The following RNF17 variants were observed in gnomAD, a reference collection of about 807,000 sequenced individuals.
RNF17 encodes ring finger protein 17, also known as spermatogenesis associated 23.
In RNF17, 31 loss-of-function variants were observed where a neutral mutation model predicts 200.5. The ratio of observed to expected loss-of-function variants is 0.15; its 90% CI spans 0.12 to 0.21. The LOEUF (loss-of-function observed/expected upper bound fraction) is 0.21. RNF17 is among the 10% of genes least tolerant of loss of function. The pLI is 1.00. For missense variants in RNF17, 1,628 were observed against 1,905.1 expected, an observed-to-expected ratio of 0.85 and a Z score of 2.71; for synonymous variants, 606 against 637.8, an observed-to-expected ratio of 0.95 and a Z score of 0.75.
In RNF17 at chr13:24,874,119, C is replaced by T. The variant is rs767714640; in HGVS notation, c.4453C>T (p.Pro1485Ser). The change falls in exon 33 of 36, where the codon CCT becomes TCT. Residue 1485 changes from proline to serine, a missense_variant. Pro to Ser is a moderately conservative substitution (Grantham distance 74). This residue lies in a region of RNF17 where 609 missense variants were observed against 681.9 expected (regional missense o/e 0.89). Coordinates refer to ENST00000255324, the MANE Select transcript of RNF17 (RefSeq NM_031277.3). ...CCCTTTTTCTGTCTTTCCAGAAATG[C>T]CTTGCCTTGCAGAATATGATGATGG... is the stretch of plus-strand genomic sequence containing the variant. Reference protein sequence around the residue: ...PPLTDFRTEMPCLAEYDDGLW... With the variant: ...PPLTDFRTEMSCLAEYDDGLW... 1.9e-6 allele frequency: 3 copies of T among 1,602,592 alleles called. No homozygotes were observed. The highest frequency in any genetic ancestry group is 1.8e-5 in the Admixed American group (1 of 56,488).
chr13:24,861,649 T>C (rs1000817465), intron 27 of RNF17, among the ~76,000 whole-genome samples: 72 of 152,346 alleles, frequency 4.7e-4, no homozygotes, highest in African/African-American at 1.6e-3. Context: ...TTTATTTCTT[T>C]ATCAAATGAA....
intron 11 of RNF17, among the ~76,000 whole-genome samples, chr13:24,797,976 T>C (rs115504760): frequency 0.016 from 2,436 of 152,294 alleles, 68 homozygotes; most frequent in African/African-American, 0.055. Flanking sequence ...ATGATTGTTT[T>C]TGAACTGTGG....
intron 4 of RNF17, among the ~76,000 whole-genome samples, chr13:24,779,211 G>GA (rs1044563759): frequency 1.2e-4 from 18 of 151,014 alleles, no homozygotes; most frequent in Non-Finnish European, 2.1e-4. Context: ...AAAATAAAAA[G>GA]AAAAAAAAAT....
At chr13:24,768,302 T>TG (rs1880068080) in intron 2 of RNF17, among the ~76,000 whole-genome samples, 1 of 151,322 alleles carries the variant, frequency 6.6e-6, no homozygotes, top group Non-Finnish European at 1.5e-5. Context: ...TTTTTTTTTT[T>TG]GAGACGGAGT....
At chr13:24,847,428 C>G in intron 22 of RNF17, among the ~76,000 whole-genome samples, 1 of 151,458 alleles carries the variant, frequency 6.6e-6, no homozygotes, top group South Asian at 2.1e-4. Context: ...TCACCGCAAC[C>G]TTTGCCTCCC....
intron 1 of RNF17, among the ~76,000 whole-genome samples, chr13:24,765,370 G>A (rs1879519248): frequency 6.6e-6 from 1 of 152,206 alleles, no homozygotes; most frequent in Admixed American, 6.5e-5. Context: ...TAATACAGCT[G>A]AGTTGTTGAA....
downstream of RNF17, chr13:24,884,157 G>T: frequency 4.3e-6 from 7 of 1,613,986 alleles, no homozygotes; most frequent in Non-Finnish European, 5.9e-6. Flanking sequence ...GAGCAAGTTT[G>T]TACCTATTTG....
intron 18 of RNF17, among the ~76,000 whole-genome samples, chr13:24,833,798 C>T (rs954244480): frequency 6.6e-6 from 1 of 152,186 alleles, no homozygotes; most frequent in African/African-American, 2.4e-5. Flanking sequence ...AAGTGAACTA[C>T]CACAGCTGAG....
At chr13:24,870,427 G>T in intron 31 of RNF17, 144 bp from the exon 32 acceptor site, 1 of 610,606 alleles carries the variant, frequency 1.6e-6, no homozygotes, top group Non-Finnish European at 2.9e-6. Context: ...GTAGGATGTG[G>T]GAAGGAATAG....
intron 24 of RNF17, among the ~76,000 whole-genome samples, chr13:24,852,643 A>G (rs893231670): frequency 6.6e-6 from 1 of 152,160 alleles, no homozygotes; most frequent in Non-Finnish European, 1.5e-5. Context: ...ATGAGGCTAG[A>G]TATGGGAGAT....
At chr13:24,801,537 C>T (rs552036761) in intron 13 of RNF17, among the ~76,000 whole-genome samples, 1 of 152,200 alleles carries the variant, frequency 6.6e-6, no homozygotes, top group Non-Finnish European at 1.5e-5. Flanking sequence ...GTGGAAGGAT[C>T]TCTTGAGCTT....
chr13:24,812,143 G>A lies in RNF17; in HGVS notation c.2091+7714G>A, dbSNP rs965001480. Among the ~76,000 whole-genome samples, 20 of 142,024 alleles carry A rather than the reference G, an allele frequency of 1.4e-4. 2 individuals are homozygous for A. The highest frequency in any genetic ancestry group is 3.5e-3 in the Middle Eastern group (1 of 284). 93.2% of individuals were successfully genotyped at this position (142,024 alleles called of 152,430 possible). On this transcript the variant is annotated intron_variant, in intron 15 of 35. Transcript: ENST00000255324. ...AGGTGGAGCCTATAGAGGCAGGCAC[G>A]TCTCCTTGAGCTGTGGTGGGCTCCA... is the stretch of plus-strand genomic sequence containing the variant.
At chr13:24,811,215 T>A (rs1886563269) in intron 15 of RNF17, among the ~76,000 whole-genome samples, 1 of 151,334 alleles carries the variant, frequency 6.6e-6, no homozygotes, top group Admixed American at 6.6e-5. Flanking sequence ...GAAGTTCTCC[T>A]GGATAATATC....
Position 24,851,582 on chromosome 13 carries a change from T to C in RNF17, c.3320+11T>C. The C allele has an allele frequency of 1.9e-6, 3 of 1,561,446 alleles. No individual in the cohort carries two copies. The highest frequency in any genetic ancestry group is 1.4e-5 in the African/African-American group (1 of 72,756). On this transcript the variant is annotated intron_variant, in intron 24 of 35. Coordinates refer to ENST00000255324, the MANE Select transcript of RNF17 (RefSeq NM_031277.3). ...TTTGAGAGAAAGGAGGTATAGACTT[T>C]TTTAAAAAATTTTGACATCAGTTTG...
chr13:24,748,493 C>T, the RNF17 span, among the ~76,000 whole-genome samples: 1 of 152,204 alleles, frequency 6.6e-6, no homozygotes, highest in Non-Finnish European at 1.5e-5. Context: ...TTTAGTGTAA[C>T]CTTTTCACAC....
chr13:24,884,037 C>A, downstream of RNF17: 1 of 1,613,978 alleles, frequency 6.2e-7, no homozygotes, highest in Non-Finnish European at 8.5e-7. Flanking sequence ...TTTTAACAGT[C>A]TGGTCAGGAA....
At chr13:24,814,270 T>C (rs1419092561) in intron 15 of RNF17, among the ~76,000 whole-genome samples, 1 of 152,188 alleles carries the variant, frequency 6.6e-6, no homozygotes, top group African/African-American at 2.4e-5. Context: ...TTGCACATAA[T>C]TGGAACTGCG....
chr13:24,771,031 T>G (rs1262301945), intron 2 of RNF17, among the ~76,000 whole-genome samples: 1 of 152,244 alleles, frequency 6.6e-6, no homozygotes, highest in East Asian at 1.9e-4. Context: ...TCAGTGAAGT[T>G]GAGCAACTTT....
At position 24,810,877 on chromosome 13, in the gene RNF17, A is replaced by G. The variant is rs981169480; in HGVS notation, c.2091+6448A>G. 1.5e-4 allele frequency among the ~76,000 whole-genome samples: 23 copies of G among 149,708 alleles called. No individual in the cohort carries two copies. The South Asian group carries it at 4.6e-3, about 30-fold the overall frequency. ...CTCAGCATTTGCTTGTCTGGAAAGT[A>G]TTTTATTTCTCCTTCACTTATGAAG... is the stretch of plus-strand genomic sequence containing the variant. On this transcript the variant is annotated intron_variant, in intron 15 of 35. Transcript: ENST00000255324.
Sources: gnomAD v4.1 joint callset for allele counts (sites outside exome capture counted in the v4.1 genomes callset) on GRCh38, gnomAD v4.1.1 for gene constraint, gnomAD v4.1.1 regional missense constraint, MANE v1.5 for transcripts, NCBI Gene and HGNC (gene_info 2026-07-23, HGNC 2026-07-21) for gene names.